ANAPC10: variants seen among roughly 807,000 people sequenced by gnomAD.
ANAPC10 encodes the protein anaphase-promoting complex subunit 10.
ANAPC10 carries 12 observed loss-of-function variants against 22.0 expected under a neutral mutation model. The observed-to-expected ratio is 0.55, with a 90% CI of 0.35 to 0.88. The LOEUF is 0.88. Ranked by LOEUF, ANAPC10 falls within the 40% of genes least tolerant of loss-of-function variation. ANAPC10 has a pLI of 0.01. For synonymous variants in ANAPC10, 65 were observed against 69.5 expected (o/e 0.94, Z 0.32); for missense variants, 188 against 220.9 (o/e 0.85, Z 0.94).
At chr4:145,001,577 A>G (rs34795231) in intron 4 of ANAPC10, among the ~76,000 whole-genome samples, 2 of 152,344 alleles carry the variant, frequency 1.3e-5, no homozygotes, top group East Asian at 1.9e-4. Context: ...TACTAACATT[A>G]GGAGAAGTTA....
intron 4 of ANAPC10, among the ~76,000 whole-genome samples, chr4:144,998,296 T>A (rs561471794): frequency 9.9e-5 from 15 of 152,266 alleles, no homozygotes; most frequent in African/African-American, 3.6e-4. Context: ...CAGCACCACA[T>A]TGCACTTATT....
At chr4:145,073,084 G>T (rs1744712751) in intron 3 of ANAPC10, among the ~76,000 whole-genome samples, 1 of 152,098 alleles carries the variant, frequency 6.6e-6, no homozygotes. Flanking sequence ...TATAGAGACA[G>T]AATCTTGCTT....
chr4:145,080,542 T>G (rs1307628329), intron 3 of ANAPC10, among the ~76,000 whole-genome samples: 1 of 152,184 alleles, frequency 6.6e-6, no homozygotes, highest in Non-Finnish European at 1.5e-5. Flanking sequence ...TCTGGCTTGT[T>G]GGAAATTTGC....
At chr4:145,066,337 T>C (rs1169933045) in intron 3 of ANAPC10, among the ~76,000 whole-genome samples, 1 of 152,126 alleles carries the variant, frequency 6.6e-6, no homozygotes. Flanking sequence ...TCTTTCTCTC[T>C]GCTGAGCCAG....
At chr4:145,017,006 C>A (rs868258029) in intron 4 of ANAPC10, among the ~76,000 whole-genome samples, 1,747 of 152,128 alleles carry the variant, frequency 0.011, 15 homozygotes, top group Non-Finnish European at 0.016. Flanking sequence ...TAGACCTAAA[C>A]CCATAAAAAC....
chr4:145,027,925 G>A (rs1180887885), intron 4 of ANAPC10, among the ~76,000 whole-genome samples: 1 of 152,172 alleles, frequency 6.6e-6, no homozygotes, highest in Non-Finnish European at 1.5e-5. Context: ...AAGAAAAAGT[G>A]AAGGAAATTC....
intron 4 of ANAPC10, among the ~76,000 whole-genome samples, chr4:145,017,172 G>A (rs575319344): frequency 2.4e-4 from 36 of 152,132 alleles, no homozygotes; most frequent in African/African-American, 7.7e-4. Context: ...ACTACCATCG[G>A]AGTAAACAGG....
At chr4:145,083,223 A>G (rs780477863) in intron 2 of ANAPC10, among the ~76,000 whole-genome samples, 15 of 152,212 alleles carry the variant, frequency 9.9e-5, no homozygotes, top group Non-Finnish European at 1.6e-4. Context: ...CATTTTATAT[A>G]TGTTAAATAA....
chr4:144,997,677 G>A (rs1731833614), intron 4 of ANAPC10, among the ~76,000 whole-genome samples: 1 of 152,078 alleles, frequency 6.6e-6, no homozygotes, highest in South Asian at 2.1e-4. Context: ...ATCAACTAAG[G>A]AGCAAAATAA....
chr4:145,077,552 G>C (rs1745369528), intron 3 of ANAPC10, among the ~76,000 whole-genome samples: 1 of 152,006 alleles, frequency 6.6e-6, no homozygotes, highest in African/African-American at 2.4e-5. Flanking sequence ...ACCAAAACCT[G>C]CCAGAGATCC....
chr4:145,005,422 A>C (rs569342930), intron 4 of ANAPC10, among the ~76,000 whole-genome samples: 60 of 151,986 alleles, frequency 3.9e-4, no homozygotes, highest in African/African-American at 1.4e-3. Flanking sequence ...TCCTAGATTC[A>C]ATGATCCTTT....
intron 4 of ANAPC10, among the ~76,000 whole-genome samples, chr4:145,038,021 A>T (rs904161280): frequency 1.3e-5 from 2 of 151,910 alleles, no homozygotes; most frequent in Non-Finnish European, 2.9e-5. Flanking sequence ...TAAACAACTG[A>T]TAACAATGAA....
intron 4 of ANAPC10, among the ~76,000 whole-genome samples, chr4:145,026,445 G>A (rs1031909071): frequency 1.1e-4 from 17 of 152,104 alleles, no homozygotes; most frequent in African/African-American, 3.9e-4. Context: ...AAAAGACAGA[G>A]CTGAAGTATT....
intron 3 of ANAPC10, among the ~76,000 whole-genome samples, chr4:145,080,846 G>A (rs1280017017): frequency 3.4e-5 from 5 of 148,264 alleles, no homozygotes; most frequent in South Asian, 2.1e-4. Context: ...GGCGGAGGTT[G>A]CAGTAACCCG....
At chr4:145,096,947 A>G (rs1446152013) in intron 1 of ANAPC10, among the ~76,000 whole-genome samples, 5 of 152,134 alleles carry the variant, frequency 3.3e-5, no homozygotes, top group Non-Finnish European at 1.5e-5. Context: ...CCGGTGGCTC[A>G]CACCTGTAAT....
intron 4 of ANAPC10, among the ~76,000 whole-genome samples, chr4:145,061,692 A>C (rs1348887199): frequency 1.3e-5 from 2 of 152,240 alleles, no homozygotes; most frequent in African/African-American, 4.8e-5. Flanking sequence ...AATATGAGTG[A>C]TCCAATCATT....
chr4:145,088,921 T>C (rs147004737), intron 2 of ANAPC10, among the ~76,000 whole-genome samples: 229 of 152,324 alleles, frequency 1.5e-3, no homozygotes, highest in African/African-American at 5.1e-3. Context: ...CCAGCCCCTA[T>C]AGCCTTCTTT....
chr4:145,040,101 T>C (rs1191909461), intron 4 of ANAPC10, among the ~76,000 whole-genome samples: 1 of 146,574 alleles, frequency 6.8e-6, no homozygotes, highest in Admixed American at 7.1e-5. Flanking sequence ...AAGCAAACTA[T>C]TGTATGCTTT....
At chr4:145,027,268 T>G (rs1186148029) in intron 4 of ANAPC10, among the ~76,000 whole-genome samples, 1 of 150,920 alleles carries the variant, frequency 6.6e-6, no homozygotes, top group Admixed American at 6.6e-5. Flanking sequence ...CCTCTTAGAG[T>G]GCTGAGATTA....
Sources: allele counts gnomAD v4.1 joint callset (sites outside exome capture counted in the v4.1 genomes callset), GRCh38; gene constraint gnomAD v4.1.1; transcripts MANE v1.5; gene names NCBI Gene and HGNC (gene_info 2026-07-23, HGNC 2026-07-21).